The following MID1 variants were observed in gnomAD, a reference collection of about 807,000 sequenced individuals.
MID1 encodes midline 1, also known as E3 ubiquitin-protein ligase Midline-1.
Under a neutral mutation model 40.4 loss-of-function variants are expected in MID1, and 7 were observed. The observed-to-expected ratio is 0.17, with a 90% CI of 0.10 to 0.33. The LOEUF (loss-of-function observed/expected upper bound fraction) is 0.33. Ranked by LOEUF, MID1 falls within the 10% of genes least tolerant of loss-of-function variation. The pLI, the probability that MID1 is intolerant of heterozygous loss-of-function variation, is 1.00. For synonymous variants in MID1, 229 were observed against 221.2 expected (o/e 1.04, Z -0.31); for missense variants, 367 against 558.5 (o/e 0.66, Z 3.46).
chrX:10,687,433 G>A (rs186612791), intron 1 of MID1, among the ~76,000 whole-genome samples: 16 of 111,943 alleles, frequency 1.4e-4, no homozygotes, highest in African/African-American at 5.2e-4. Flanking sequence ...CTTCTTGCAC[G>A]AGAAAAATAC....
At chrX:10,796,408 ATTCAGTTTTTTTTT>A (rs960095674) in intron 1 of MID1, among the ~76,000 whole-genome samples, 13 of 95,801 alleles carry the variant, frequency 1.4e-4, no homozygotes, top group East Asian at 6.0e-4. Context: ...AAAGAAGAAA[ATTCAGTTTTTTTTT>A]TTCAGTTTTT....
chrX:10,800,759 A>G (rs2044000433), intron 1 of MID1, among the ~76,000 whole-genome samples: 1 of 112,286 alleles, frequency 8.9e-6, no homozygotes, highest in Non-Finnish European at 1.9e-5. Flanking sequence ...TGTTAGATGC[A>G]TAAAACAGAG....
chrX:10,745,332 C>T (rs754495964), intron 1 of MID1, among the ~76,000 whole-genome samples: 1 of 112,179 alleles, frequency 8.9e-6, no homozygotes, highest in Non-Finnish European at 1.9e-5. Flanking sequence ...CTTCTCCCCA[C>T]CTCATTTGTT....
chrX:10,754,420 T>C (rs1405279770), intron 1 of MID1, among the ~76,000 whole-genome samples: 1 of 111,020 alleles, frequency 9.0e-6, no homozygotes, highest in Non-Finnish European at 1.9e-5. Flanking sequence ...AATGTTAGCT[T>C]TTCTCACTGA....
chrX:10,666,838 T>C (rs2042954153), intron 1 of MID1, among the ~76,000 whole-genome samples: 1 of 111,868 alleles, frequency 8.9e-6, no homozygotes, highest in African/African-American at 3.3e-5. Context: ...TGTTCTCTGT[T>C]TCCACTATGG....
At chrX:10,493,316 G>A (rs1931053239) in intron 4 of MID1, among the ~76,000 whole-genome samples, 1 of 111,573 alleles carries the variant, frequency 9.0e-6, no homozygotes, top group African/African-American at 3.3e-5. Flanking sequence ...CTACCTGTAA[G>A]AGCTAGAAAA....
chrX:10,752,131 C>T (rs2043603331), intron 1 of MID1, among the ~76,000 whole-genome samples: 1 of 111,421 alleles, frequency 9.0e-6, no homozygotes, highest in South Asian at 3.8e-4. Flanking sequence ...ATTTATTTTC[C>T]CTATAAATTA....
chrX:10,784,174 C>G (rs939354170), intron 1 of MID1, among the ~76,000 whole-genome samples: 3 of 111,450 alleles, frequency 2.7e-5, no homozygotes, highest in Non-Finnish European at 5.6e-5. Context: ...ATTCTGCCAT[C>G]AGTGTAATAA....
intron 1 of MID1, among the ~76,000 whole-genome samples, chrX:10,741,947 A>G (rs1255501903): frequency 2.7e-5 from 3 of 111,760 alleles, no homozygotes; most frequent in Non-Finnish European, 5.6e-5. Flanking sequence ...TCTTGGTAAT[A>G]AAAATCAGTA....
At chrX:10,685,877 TACACACACACAC>T (rs56245034) in intron 1 of MID1, among the ~76,000 whole-genome samples, 49 of 80,487 alleles carry the variant, frequency 6.1e-4, no homozygotes, top group African/African-American at 1.1e-3. Flanking sequence ...CACATACTCA[TACACACACACAC>T]ACACACACAC....
At chrX:10,672,305 ACT>A (rs1259703453) in intron 1 of MID1, among the ~76,000 whole-genome samples, 2 of 111,583 alleles carry the variant, frequency 1.8e-5, no homozygotes, top group East Asian at 5.6e-4. Context: ...AATCTCCCAA[ACT>A]TTTGTATGTG....
At position 10,635,201 on chromosome X, in the gene MID1, CATTTGGTGAAAT is replaced by C. The variant is rs762865228; in HGVS notation, c.-186-14794_-186-14783del. On this transcript the variant is annotated intron_variant, in intron 1 of 10. Coordinates refer to the MID1 transcript ENST00000380785. ...CATTGTCATTCCATCTTTGTCAAGG[CATTTGGTGAAAT>C]ATGCTCCAGTTGACATACTGTAGCT... Among the ~76,000 whole-genome samples, 184 of 112,279 alleles carry C rather than the reference CATTTGGTGAAAT, an allele frequency of 1.6e-3. 2 individuals carry two copies. The South Asian group carries it at 0.066, about 40-fold the overall frequency.
intron 1 of MID1, among the ~76,000 whole-genome samples, chrX:10,661,830 T>A (rs2147583843): frequency 9.0e-6 from 1 of 111,423 alleles, no homozygotes; most frequent in African/African-American, 3.3e-5. Context: ...TCAAAGAAAA[T>A]CTCTTTACCC....
At chrX:10,771,041 G>T (rs2043764048) in intron 1 of MID1, among the ~76,000 whole-genome samples, 1 of 108,110 alleles carries the variant, frequency 9.2e-6, no homozygotes, top group African/African-American at 3.4e-5. Context: ...GGGAGGCGGA[G>T]CTTGCAGTGA....
chrX:10,553,950 C>T (rs1934024876), intron 2 of MID1, among the ~76,000 whole-genome samples: 1 of 111,529 alleles, frequency 9.0e-6, no homozygotes, highest in Admixed American at 9.5e-5. Flanking sequence ...TATGTTTGGA[C>T]CATAGTTGTT....
chrX:10,802,942 CAT>C (rs1414594192), intron 1 of MID1, among the ~76,000 whole-genome samples: 1 of 111,747 alleles, frequency 8.9e-6, no homozygotes, highest in Non-Finnish European at 1.9e-5. Flanking sequence ...CCAAATACCA[CAT>C]GTTCTCACTT....
chrX:10,762,972 T>A (rs1349152098), intron 1 of MID1, among the ~76,000 whole-genome samples: 2 of 111,560 alleles, frequency 1.8e-5, no homozygotes, highest in Non-Finnish European at 3.8e-5. Context: ...TTAGATAGGC[T>A]TGTCAAATGA....
intron 5 of MID1, among the ~76,000 whole-genome samples, chrX:10,475,914 T>C (rs190923391): frequency 1.8e-5 from 2 of 111,714 alleles, no homozygotes; most frequent in Admixed American, 9.5e-5. Flanking sequence ...ACTCCAAGGG[T>C]TATATGTCCT....
At chrX:10,808,541 C>G (rs1400545758) in intron 1 of MID1, among the ~76,000 whole-genome samples, 1 of 110,187 alleles carries the variant, frequency 9.1e-6, no homozygotes, top group Non-Finnish European at 1.9e-5. Flanking sequence ...TCTATGGACC[C>G]CTCTCTATGG....
Sources: allele counts gnomAD v4.1 joint callset (sites outside exome capture counted in the v4.1 genomes callset), GRCh38; gene constraint gnomAD v4.1.1; transcripts MANE v1.5; gene names NCBI Gene and HGNC (gene_info 2026-07-23, HGNC 2026-07-21).